EPHA6: variants seen among roughly 807,000 people sequenced by gnomAD.
EPHA6 encodes the protein EPH receptor A6.
In EPHA6, 50 loss-of-function variants were observed where a neutral mutation model predicts 112.0. That is an observed-to-expected ratio of 0.45 (90% CI 0.36 to 0.56). The LOEUF (loss-of-function observed/expected upper bound fraction) is 0.56, where lower values mean the gene tolerates loss of function less well. Ranked by LOEUF, EPHA6 falls within the 20% of genes least tolerant of loss-of-function variation. The pLI is 0.00. For synonymous variants in EPHA6, 529 were observed against 490.7 expected, an observed-to-expected ratio of 1.08 and a Z score of -1.03; for missense variants, 1,280 against 1,417.4, an observed-to-expected ratio of 0.90 and a Z score of 1.56.
chr3:97,373,347 G>C (rs763160703), intron 5 of EPHA6, among the ~76,000 whole-genome samples: 20 of 152,034 alleles, frequency 1.3e-4, no homozygotes, highest in Non-Finnish European at 2.5e-4. Context: ...GCCTTACGAT[G>C]GCAGCTTAGT....
intron 11 of EPHA6, among the ~76,000 whole-genome samples, chr3:97,554,590 A>G (rs1208040850): frequency 1.3e-5 from 2 of 152,052 alleles, no homozygotes; most frequent in East Asian, 1.9e-4. Flanking sequence ...GGTTCCTTCT[A>G]TGTCATTTTT....
intron 1 of EPHA6, among the ~76,000 whole-genome samples, chr3:96,833,288 T>C (rs1324195150): frequency 6.6e-6 from 1 of 151,094 alleles, no homozygotes; most frequent in Admixed American, 6.6e-5. Context: ...ATTGGTGTTA[T>C]GCATTTACAA....
intron 6 of EPHA6, among the ~76,000 whole-genome samples, chr3:97,427,778 T>C (rs1046223388): frequency 2.7e-5 from 4 of 149,912 alleles, no homozygotes; most frequent in Admixed American, 1.3e-4. Flanking sequence ...GCAACAGGGG[T>C]GGAACTCAAG....
At chr3:97,665,110 C>T (rs570699481) in intron 14 of EPHA6, among the ~76,000 whole-genome samples, 34 of 152,256 alleles carry the variant, frequency 2.2e-4, no homozygotes, top group Admixed American at 2.0e-3. Context: ...GGTACTGGTA[C>T]CAAAACAGAG....
rs1327184393 is a variant in EPHA6, at chr3:97,405,217, A to C, written c.1674A>C (p.Gln558His). 2 of 1,610,266 alleles carry C rather than the reference A, an allele frequency of 1.2e-6. No homozygotes were observed. The highest frequency in any genetic ancestry group is 1.7e-6 in the Non-Finnish European group (2 of 1,178,036). The part of the protein sequence containing the change: ...ASQNSIALSW[Q>H]APAFSNGAIL... ...AAAATAGCATTGCCCTATCATGGCAAGCACCTGCTTTTTCCAATGGAGCCA... is the reference window on the plus strand; with the variant it reads ...AAAATAGCATTGCCCTATCATGGCACGCACCTGCTTTTTCCAATGGAGCCA... The change falls in exon 6 of 18, where the codon CAA becomes CAC. Residue 558 changes from glutamine to histidine, a missense_variant. Coordinates refer to ENST00000389672, the MANE Select transcript of EPHA6 (RefSeq NM_001080448.3).
chr3:97,506,932 A>G (rs1316997251), intron 10 of EPHA6, among the ~76,000 whole-genome samples: 1 of 152,108 alleles, frequency 6.6e-6, no homozygotes, highest in Non-Finnish European at 1.5e-5. Flanking sequence ...CTTTGTAGTC[A>G]TGCGAGTGGA....
At chr3:97,669,562 G>A in intron 14 of EPHA6, among the ~76,000 whole-genome samples, 1 of 150,430 alleles carries the variant, frequency 6.6e-6, no homozygotes, top group African/African-American at 2.4e-5. Context: ...AGGAGTTCAG[G>A]TCCAGCCTGG....
At chr3:96,877,167 CTT>C (rs2037011426) in intron 2 of EPHA6, among the ~76,000 whole-genome samples, 1 of 152,138 alleles carries the variant, frequency 6.6e-6, no homozygotes, top group African/African-American at 2.4e-5. Flanking sequence ...TTGATACTAA[CTT>C]TGGGCAGAAT....
At chr3:97,238,889 GAGA>G (rs2078759633) in intron 4 of EPHA6, among the ~76,000 whole-genome samples, 1 of 151,886 alleles carries the variant, frequency 6.6e-6, no homozygotes. Flanking sequence ...AGACAAAGCT[GAGA>G]AGTTTAGGTT....
chr3:96,940,694 T>C (rs1002747703), intron 2 of EPHA6, among the ~76,000 whole-genome samples: 1 of 152,172 alleles, frequency 6.6e-6, no homozygotes, highest in African/African-American at 2.4e-5. Context: ...TTCCTAGCCT[T>C]GATGGTCTTT....
chr3:96,930,348 G>C (rs754936400), intron 2 of EPHA6, among the ~76,000 whole-genome samples: 4 of 152,032 alleles, frequency 2.6e-5, no homozygotes, highest in Non-Finnish European at 5.9e-5. Flanking sequence ...ATCTTTATGG[G>C]GTCTTTAAGG....
At chr3:97,615,695 A>G (rs573786151) in intron 13 of EPHA6, among the ~76,000 whole-genome samples, 32 of 152,270 alleles carry the variant, frequency 2.1e-4, no homozygotes, top group African/African-American at 7.7e-4. Flanking sequence ...CCAACACAGC[A>G]CATCTGCTCT....
At chr3:96,892,215 G>T (rs370602564) in intron 2 of EPHA6, among the ~76,000 whole-genome samples, 3 of 151,792 alleles carry the variant, frequency 2.0e-5, no homozygotes, top group African/African-American at 4.8e-5. Context: ...ACATTATTTG[G>T]TTTTTTGTTC....
At chr3:97,525,736 G>T (rs762316672) in intron 10 of EPHA6, among the ~76,000 whole-genome samples, 1 of 152,130 alleles carries the variant, frequency 6.6e-6, no homozygotes, top group Non-Finnish European at 1.5e-5. Flanking sequence ...CCTGATACTG[G>T]GTCTACAGTG....
intron 2 of EPHA6, among the ~76,000 whole-genome samples, chr3:96,900,649 T>G (rs530836001): frequency 6.6e-6 from 1 of 152,354 alleles, no homozygotes; most frequent in African/African-American, 2.4e-5. Context: ...TGGAAATCCC[T>G]TATTATCTAC....
At chr3:97,221,469 A>G (rs1347209013) in intron 3 of EPHA6, among the ~76,000 whole-genome samples, 1 of 152,074 alleles carries the variant, frequency 6.6e-6, no homozygotes, top group Non-Finnish European at 1.5e-5. Flanking sequence ...CAACATTCTT[A>G]TCTCCACTCG....
intron 3 of EPHA6, among the ~76,000 whole-genome samples, chr3:97,153,980 A>T (rs889721736): frequency 6.6e-6 from 1 of 152,118 alleles, no homozygotes; most frequent in South Asian, 2.1e-4. Flanking sequence ...AGCCTGCCCA[A>T]CATGGCGAAA....
intron 2 of EPHA6, among the ~76,000 whole-genome samples, chr3:96,962,257 A>T (rs1189602547): frequency 6.6e-6 from 1 of 152,064 alleles, no homozygotes; most frequent in Non-Finnish European, 1.5e-5. Context: ...GTGAAATGAA[A>T]GTTAATTGGT....
chr3:97,576,507 A>C (rs2093386902), intron 11 of EPHA6, among the ~76,000 whole-genome samples: 1 of 152,164 alleles, frequency 6.6e-6, no homozygotes, highest in South Asian at 2.1e-4. Context: ...AATCTTGACA[A>C]GCTTGTATTT....
Sources: gnomAD v4.1 joint callset for allele counts (sites outside exome capture counted in the v4.1 genomes callset) on GRCh38, gnomAD v4.1.1 for gene constraint, MANE v1.5 for transcripts, NCBI Gene and HGNC (gene_info 2026-07-23, HGNC 2026-07-21) for gene names.